Variants in ELL2 observed in about 807,000 individuals in gnomAD.
ELL2 encodes elongation factor for RNA polymerase II 2, also known as RNA polymerase II elongation factor ELL2.
ELL2 carries 21 observed loss-of-function variants against 72.8 expected under a neutral mutation model. The observed-to-expected ratio is 0.29, with a 90% confidence interval of 0.20 to 0.42. The LOEUF is 0.42. Ranked by LOEUF, ELL2 falls within the 10% of genes least tolerant of loss-of-function variation. The pLI, the probability that ELL2 is intolerant of heterozygous loss-of-function variation, is 1.00. For synonymous variants in ELL2, 266 were observed against 283.2 expected (o/e 0.94, Z 0.61); for missense variants, 568 against 772.8 (o/e 0.73, Z 3.14).
At chr5:95,958,618 C>G (rs543253897) in intron 1 of ELL2, among the ~76,000 whole-genome samples, 1 of 152,316 alleles carries the variant, frequency 6.6e-6, no homozygotes, top group South Asian at 2.1e-4. Flanking sequence ...ACAGTGAGTC[C>G]TGATAGGAGC....
chr5:95,916,344 A>G (rs1166614682), intron 3 of ELL2, among the ~76,000 whole-genome samples: 1 of 152,126 alleles, frequency 6.6e-6, no homozygotes, highest in Admixed American at 6.5e-5. Flanking sequence ...TGAAGGAATG[A>G]GGAGAGAAGG....
intron 1 of ELL2, among the ~76,000 whole-genome samples, chr5:95,945,328 C>T (rs1181204184): frequency 6.6e-6 from 1 of 152,206 alleles, no homozygotes; most frequent in Non-Finnish European, 1.5e-5. Context: ...TCCCCGACTT[C>T]ATATTCTATT....
At chr5:95,902,416 A>G (rs1749177121) in intron 5 of ELL2, among the ~76,000 whole-genome samples, 1 of 152,194 alleles carries the variant, frequency 6.6e-6, no homozygotes, top group Admixed American at 6.5e-5. Context: ...CTTATCCCTT[A>G]ACTGCAATTC....
intron 2 of ELL2, among the ~76,000 whole-genome samples, chr5:95,926,136 C>T (rs1392573440): frequency 2.0e-5 from 3 of 151,200 alleles, no homozygotes; most frequent in Non-Finnish European, 2.9e-5. Context: ...ACTAGACCTG[C>T]AGTTATGACT....
At chr5:95,940,794 G>C (rs112974869) in intron 2 of ELL2, among the ~76,000 whole-genome samples, 25 of 152,294 alleles carry the variant, frequency 1.6e-4, no homozygotes, top group African/African-American at 5.8e-4. Flanking sequence ...AAAGCAATCA[G>C]CAAGGCAACA....
At chr5:95,934,116 A>C (rs978352544) in intron 2 of ELL2, among the ~76,000 whole-genome samples, 1 of 152,174 alleles carries the variant, frequency 6.6e-6, no homozygotes, top group Non-Finnish European at 1.5e-5. Flanking sequence ...AAAAACTAAA[A>C]AGCATTCAGA....
At chr5:95,897,276 C>T (rs1748911770) in intron 8 of ELL2, among the ~76,000 whole-genome samples, 1 of 152,202 alleles carries the variant, frequency 6.6e-6, no homozygotes, top group Admixed American at 6.5e-5. Flanking sequence ...AAAGACAACA[C>T]TCCTTATAAC....
intron 1 of ELL2, among the ~76,000 whole-genome samples, chr5:95,949,304 G>A (rs756867321): frequency 1.1e-4 from 17 of 152,212 alleles, no homozygotes; most frequent in Non-Finnish European, 2.2e-4. Flanking sequence ...ATCCTATAAA[G>A]GTAGTTTATA....
intron 1 of ELL2, among the ~76,000 whole-genome samples, chr5:95,957,832 G>A (rs990685981): frequency 2.6e-5 from 4 of 152,054 alleles, no homozygotes; most frequent in Non-Finnish European, 4.4e-5. Context: ...CCCTTAGAAC[G>A]CTGTAAATTT....
intron 1 of ELL2, among the ~76,000 whole-genome samples, chr5:95,957,658 C>T (rs1278704961): frequency 6.6e-6 from 1 of 152,268 alleles, no homozygotes; most frequent in Middle Eastern, 3.4e-3. Context: ...ACTCACAATG[C>T]CCCTCTGCCT....
rs199546134 is a variant in ELL2 at position 95,948,408 on chromosome 5, CA to C, written c.148-5360del. On this transcript the variant is annotated intron_variant, in intron 1 of 11. Coordinates refer to ENST00000237853, the MANE Select transcript of ELL2 (RefSeq NM_012081.6). ...TGGCGCCACAGCACTCCAGCCTGGGCAACAGAGCGAGACTCCGCCTCAAAAA... is the reference window on the plus strand; with the variant it reads ...TGGCGCCACAGCACTCCAGCCTGGGCACAGAGCGAGACTCCGCCTCAAAAA... Among the ~76,000 whole-genome samples, 565 of 111,370 alleles carry C rather than the reference CA, an allele frequency of 5.1e-3. 4 individuals are homozygous for C. Among genetic ancestry groups the C allele is most frequent in the African/African-American group, 0.018 (521 of 28,356 alleles). The allele number at this position is 111,370 out of a possible 152,430, so 73.1% of individuals were successfully genotyped here. A position where few individuals can be genotyped will look rare whatever the true frequency, so the allele number is the denominator to read the frequency against.
intron 5 of ELL2, among the ~76,000 whole-genome samples, chr5:95,902,395 T>C (rs998194548): frequency 1.3e-5 from 2 of 152,218 alleles, no homozygotes; most frequent in African/African-American, 4.8e-5. Context: ...TATTCCGAAG[T>C]GTAATCTTTT....
chr5:95,911,328 T>G (rs571333439), intron 4 of ELL2, among the ~76,000 whole-genome samples: 3 of 148,054 alleles, frequency 2.0e-5, no homozygotes, highest in Non-Finnish European at 3.0e-5. Context: ...TCCCCTGTAT[T>G]CAGAAATGAT....
At chr5:95,911,481 G>T (rs151066130) in intron 4 of ELL2, among the ~76,000 whole-genome samples, 8 of 152,144 alleles carry the variant, frequency 5.3e-5, no homozygotes, top group Non-Finnish European at 1.2e-4. Flanking sequence ...GAGATTACAG[G>T]TGCACGCCAT....
chr5:95,907,296 A>ATTT (rs1211663802), intron 4 of ELL2, among the ~76,000 whole-genome samples: 1 of 116,520 alleles, frequency 8.6e-6, no homozygotes, highest in Non-Finnish European at 1.6e-5. Context: ...ATATATATAT[A>ATTT]TTTTTTTTTT....
At chr5:95,960,823 T>C (rs1387789644) in intron 1 of ELL2, among the ~76,000 whole-genome samples, 1 of 152,028 alleles carries the variant, frequency 6.6e-6, no homozygotes, top group Non-Finnish European at 1.5e-5. Context: ...GCGTCTCCAG[T>C]AACGCGATGC....
intron 2 of ELL2, among the ~76,000 whole-genome samples, chr5:95,926,173 G>C (rs1453648742): frequency 1.3e-5 from 2 of 150,474 alleles, no homozygotes; most frequent in Non-Finnish European, 3.0e-5. Flanking sequence ...TGGGTTGAGG[G>C]GAGAAAAAAA....
intron 9 of ELL2, 122 bp from the exon 10 acceptor site, chr5:95,891,396 T>C: frequency 9.8e-7 from 1 of 1,022,618 alleles, no homozygotes; most frequent in Non-Finnish European, 1.4e-6. Flanking sequence ...TTAATGCCAC[T>C]CTGCCACTGG....
intron 1 of ELL2, among the ~76,000 whole-genome samples, chr5:95,951,994 A>G (rs963332201): frequency 6.6e-6 from 1 of 152,234 alleles, no homozygotes; most frequent in African/African-American, 2.4e-5. Context: ...AGGTAGATAG[A>G]GATTTGAGGA....
Sources: allele counts gnomAD v4.1 joint callset (sites outside exome capture counted in the v4.1 genomes callset), GRCh38; gene constraint gnomAD v4.1.1; transcripts MANE v1.5; gene names NCBI Gene and HGNC (gene_info 2026-07-23, HGNC 2026-07-21).